The following CSGALNACT1 variants were observed in gnomAD, a reference collection of about 807,000 sequenced individuals.
CSGALNACT1 encodes the protein beta4GalNAcT-1.
Under a neutral mutation model 51.0 loss-of-function variants are expected in CSGALNACT1, and 52 were observed. The ratio of observed to expected loss-of-function variants is 1.02; its 90% CI spans 0.82 to 1.29. The LOEUF (loss-of-function observed/expected upper bound fraction) is 1.29. Ranked by LOEUF, CSGALNACT1 falls within the 50% of genes most tolerant of loss-of-function variation. The pLI, the probability that CSGALNACT1 is intolerant of heterozygous loss-of-function variation, is 0.00. For synonymous variants in CSGALNACT1, 341 were observed against 254.4 expected, an observed-to-expected ratio of 1.34 and a Z score of -3.24; for missense variants, 935 against 679.2, an observed-to-expected ratio of 1.38 and a Z score of -4.19.
upstream of CSGALNACT1, among the ~76,000 whole-genome samples, chr8:19,683,894 G>A (rs765802073): frequency 6.6e-6 from 1 of 152,036 alleles, no homozygotes; most frequent in African/African-American, 2.4e-5. Flanking sequence ...GGCCAGGAGT[G>A]GTGGCTCATG....
intron 3 of CSGALNACT1, among the ~76,000 whole-genome samples, chr8:19,552,751 T>C (rs560031874): frequency 3.3e-5 from 5 of 152,224 alleles, no homozygotes; most frequent in Admixed American, 6.5e-5. Flanking sequence ...TTAGTTTCCT[T>C]GTGTAAAAAG....
intron 4 of CSGALNACT1, among the ~76,000 whole-genome samples, chr8:19,464,082 G>C (rs2066143211): frequency 6.6e-6 from 1 of 152,168 alleles, no homozygotes; most frequent in Admixed American, 6.5e-5. Context: ...ACACTACTGA[G>C]CCTATGCAGA....
chr8:19,543,790 G>GT (rs1201680206), intron 3 of CSGALNACT1, among the ~76,000 whole-genome samples: 3 of 152,144 alleles, frequency 2.0e-5, no homozygotes, highest in African/African-American at 4.8e-5. Context: ...AATAATAACT[G>GT]TAAGTGCAAC....
Position 19,620,430 on chromosome 8 carries a change from CT to C in CSGALNACT1, c.-543-18566del, listed in dbSNP as rs35123924. On this transcript the variant is annotated intron_variant, in intron 1 of 9. Coordinates refer to the CSGALNACT1 transcript ENST00000332246. ...GGATTTCCAAGGGCTGGAAAAGAATCTTTTTTTTTTTTTCTTGAGAAAGGGT... is the reference window on the plus strand; with the variant it reads ...GGATTTCCAAGGGCTGGAAAAGAATCTTTTTTTTTTTTCTTGAGAAAGGGT... Among the ~76,000 whole-genome samples the C allele has an allele frequency of 9.6e-3, 1,366 of 141,978 alleles. 7 individuals are homozygous for C. Among genetic ancestry groups the C allele is most frequent in the Middle Eastern group, 0.029 (8 of 274 alleles). 93.1% of individuals were successfully genotyped at this position (141,978 alleles called of 152,430 possible).
In CSGALNACT1 at chr8:19,458,643, C is replaced by G; in HGVS notation, c.635-1G>C. 6.2e-7 allele frequency: 1 copy of G among 1,613,590 alleles called. No homozygotes were observed. The highest frequency in any genetic ancestry group is 8.5e-7 in the Non-Finnish European group (1 of 1,179,586). On this transcript the variant is annotated splice_acceptor_variant, in intron 4 of 9. Transcript: ENST00000454498. LOFTEE classifies it high-confidence loss of function. ...TTGTCCCTTTCTGTTCGGTAGATCC[C>G]TGTTAAGAGAAAAACAAGGAAAGAT...
intron 3 of CSGALNACT1, among the ~76,000 whole-genome samples, chr8:19,569,552 CT>C (rs1400635222): frequency 6.6e-6 from 1 of 151,758 alleles, no homozygotes; most frequent in Non-Finnish European, 1.5e-5. Flanking sequence ...AGAGCTAGCA[CT>C]TTTTTTTAGC....
In CSGALNACT1 at chr8:19,457,121, C is replaced by A. The variant is rs1055576445; in HGVS notation, c.851+1305G>T. On this transcript the variant is annotated intron_variant, in intron 5 of 9. Coordinates refer to ENST00000454498, the Ensembl canonical transcript of CSGALNACT1. ...CCTAGAGAACCCTACGTCAGAAAGA[C>A]AGTCTCAATTAAGGGAAGATTAGAC... is the stretch of plus-strand genomic sequence containing the variant. 2.0e-5 allele frequency among the ~76,000 whole-genome samples: 3 copies of A among 152,178 alleles called. No individual in the cohort carries two copies. In the East Asian group the frequency reaches 5.8e-4, roughly 29 times the overall value.
intron 1 of CSGALNACT1, among the ~76,000 whole-genome samples, chr8:19,726,383 C>T (rs1034275169): frequency 1.3e-5 from 2 of 152,072 alleles, no homozygotes; most frequent in African/African-American, 4.8e-5. Context: ...TATACAACTA[C>T]TGTTGTGAAA....
upstream of CSGALNACT1, among the ~76,000 whole-genome samples, chr8:19,605,317 T>C (rs1166043921): frequency 3.3e-5 from 5 of 152,122 alleles, no homozygotes; most frequent in East Asian, 9.7e-4. Context: ...GCACCTGTAA[T>C]CCCAGCTACT....
intron 5 of CSGALNACT1, 76 bp from the exon 5 acceptor site, chr8:19,440,007 TA>T: frequency 8.1e-7 from 1 of 1,240,868 alleles, no homozygotes; most frequent in Middle Eastern, 1.9e-4. Context: ...TACCTTTTTG[TA>T]AAGTGCAAAA....
At chr8:19,599,516 G>GAAAGAAAGA (rs1397492632) in intron 2 of CSGALNACT1, among the ~76,000 whole-genome samples, 12 of 119,280 alleles carry the variant, frequency 1.0e-4, no homozygotes, top group African/African-American at 2.5e-4. Context: ...AAGAAAGAAA[G>GAAAGAAAGA]AAAGAAAGAA....
intron 1 of CSGALNACT1, among the ~76,000 whole-genome samples, chr8:19,633,421 C>T (rs1448725821): frequency 6.6e-6 from 1 of 152,212 alleles, no homozygotes; most frequent in Non-Finnish European, 1.5e-5. Context: ...GTTAAAGTCT[C>T]AGCCCCAAAA....
intron 9 of CSGALNACT1, among the ~76,000 whole-genome samples, chr8:19,407,466 G>C (rs377453551): frequency 6.6e-6 from 1 of 152,072 alleles, no homozygotes; most frequent in Non-Finnish European, 1.5e-5. Context: ...TCAACGTTTC[G>C]GGACTGTTCA....
intron 1 of CSGALNACT1, among the ~76,000 whole-genome samples, chr8:19,663,420 A>G (rs968926818): frequency 1.3e-5 from 2 of 152,264 alleles, no homozygotes; most frequent in Non-Finnish European, 2.9e-5. Flanking sequence ...ACAAGTAAAT[A>G]TATTCAGAGC....
chr8:19,532,043 C>T (rs113231830), intron 3 of CSGALNACT1: 1 of 152,102 alleles, frequency 6.6e-6, no homozygotes, highest in African/African-American at 2.4e-5. Context: ...ATAGTCCTGA[C>T]ATCATATCCT....
intron 4 of CSGALNACT1, among the ~76,000 whole-genome samples, chr8:19,492,125 G>T (rs1268367050): frequency 1.3e-5 from 2 of 152,196 alleles, no homozygotes; most frequent in Non-Finnish European, 2.9e-5. Flanking sequence ...GAATCCTTTG[G>T]AAAATGTCTA....
At chr8:19,684,441 T>C (rs2060853987), upstream of CSGALNACT1, among the ~76,000 whole-genome samples, 1 of 152,132 alleles carries the variant, frequency 6.6e-6, no homozygotes, top group Non-Finnish European at 1.5e-5. Context: ...ATTATGAGAA[T>C]AAAATATCAA....
chr8:19,569,034 C>T (rs979014983), intron 3 of CSGALNACT1, among the ~76,000 whole-genome samples: 3 of 152,168 alleles, frequency 2.0e-5, no homozygotes, highest in African/African-American at 7.2e-5. Context: ...AACACTGCAA[C>T]TTCATTTACC....
intron 9 of CSGALNACT1, among the ~76,000 whole-genome samples, chr8:19,407,915 G>GGGCATT (rs2054648706): frequency 3.0e-5 from 2 of 66,838 alleles, no homozygotes; most frequent in African/African-American, 7.7e-5. Context: ...TTGTGTGTGT[G>GGGCATT]TGTGTGTGTG....
Sources: gnomAD v4.1 joint callset for allele counts (sites outside exome capture counted in the v4.1 genomes callset) on GRCh38, gnomAD v4.1.1 for gene constraint, MANE v1.5 for transcripts, NCBI Gene and HGNC (gene_info 2026-07-23, HGNC 2026-07-21) for gene names.